The following DIS3L2 variants were observed in gnomAD, a reference collection of about 807,000 sequenced individuals.
DIS3L2 encodes DIS3 like 3'-5' exoribonuclease 2.
Under a neutral mutation model 97.5 loss-of-function variants are expected in DIS3L2, and 34 were observed. That is an observed-to-expected ratio of 0.35 (90% CI 0.27 to 0.46). The LOEUF is 0.46. DIS3L2 is among the 20% of genes least tolerant of loss of function. The pLI is 1.00. For missense variants in DIS3L2, 1,038 were observed against 1,146.0 expected (o/e 0.91, Z 1.36); for synonymous variants, 435 against 445.2 (o/e 0.98, Z 0.29).
intron 9 of DIS3L2, among the ~76,000 whole-genome samples, chr2:232,187,182 A>G (rs1238883542): frequency 6.6e-6 from 1 of 152,212 alleles, no homozygotes; most frequent in Admixed American, 6.5e-5. Flanking sequence ...CATTACAAAA[A>G]TGCAAATCAA....
chr2:232,289,030 T>C (rs1297266966), intron 13 of DIS3L2, among the ~76,000 whole-genome samples: 1 of 152,100 alleles, frequency 6.6e-6, no homozygotes, highest in Non-Finnish European at 1.5e-5. Context: ...TGTTTTCTGA[T>C]TTCAATATCA....
At chr2:232,206,692 C>A (rs149541480) in intron 9 of DIS3L2, among the ~76,000 whole-genome samples, 2 of 152,122 alleles carry the variant, frequency 1.3e-5, no homozygotes, top group Admixed American at 1.3e-4. Flanking sequence ...AGCAAGCAAG[C>A]CTTCCTGAGT....
rs546993307 is a variant in DIS3L2, at chr2:232,012,574, T to C, written c.-93-2261T>C. Among the ~76,000 whole-genome samples, 8 of 151,884 alleles carry C rather than the reference T, an allele frequency of 5.3e-5. No individual in the cohort carries two copies. In the East Asian group the frequency reaches 1.5e-3, roughly 29 times the overall value. ...CTGCCGCGTTTGTTTTCTTAGTCAC[T>C]AGTGGTAGCATACCCTGATCATGGA... On this transcript the variant is annotated intron_variant, in intron 1 of 20. Coordinates refer to ENST00000325385, the MANE Select transcript of DIS3L2 (RefSeq NM_152383.5).
At chr2:232,218,166 G>A (rs1275837809) in intron 10 of DIS3L2, among the ~76,000 whole-genome samples, 1 of 152,190 alleles carries the variant, frequency 6.6e-6, no homozygotes, top group African/African-American at 2.4e-5. Context: ...AGATTCAGTG[G>A]CCTAAAGCTC....
intron 13 of DIS3L2, among the ~76,000 whole-genome samples, chr2:232,263,806 T>A (rs151018496): frequency 9.5e-4 from 145 of 152,220 alleles, no homozygotes; most frequent in Middle Eastern, 3.4e-3. Flanking sequence ...TGTTCTTTAA[T>A]GGAGGCAAGA....
At chr2:232,184,359 A>G (rs536957691) in intron 9 of DIS3L2, among the ~76,000 whole-genome samples, 38 of 152,312 alleles carry the variant, frequency 2.5e-4, no homozygotes, top group African/African-American at 8.7e-4. Flanking sequence ...ATAGAATTTG[A>G]AAATAAGGTC....
chr2:232,038,620 T>C (rs952718830), intron 5 of DIS3L2, among the ~76,000 whole-genome samples: 3 of 152,228 alleles, frequency 2.0e-5, no homozygotes, highest in Non-Finnish European at 4.4e-5. Flanking sequence ...TTTCCTTGTT[T>C]CTCACCCCCT....
chr2:232,283,731 T>C (rs1694354789), intron 13 of DIS3L2, among the ~76,000 whole-genome samples: 1 of 152,226 alleles, frequency 6.6e-6, no homozygotes, highest in South Asian at 2.1e-4. Context: ...ATCCTCAAAA[T>C]GACAGATTTA....
chr2:232,219,723 C>T (rs1692440809), intron 10 of DIS3L2, among the ~76,000 whole-genome samples: 2 of 152,168 alleles, frequency 1.3e-5, no homozygotes, highest in Admixed American at 1.3e-4. Context: ...GTGGTCTGCA[C>T]TGCTCTTCCC....
intron 1 of DIS3L2, among the ~76,000 whole-genome samples, chr2:232,008,931 A>G (rs758937233): frequency 6.6e-5 from 10 of 152,216 alleles, no homozygotes; most frequent in Non-Finnish European, 1.3e-4. Context: ...TTCAGATTGT[A>G]TAACGTTAAT....
At chr2:232,219,266 C>G (rs1692429973) in intron 10 of DIS3L2, among the ~76,000 whole-genome samples, 1 of 152,194 alleles carries the variant, frequency 6.6e-6, no homozygotes, top group Non-Finnish European at 1.5e-5. Flanking sequence ...TTCCTAAGAG[C>G]AGGGTGTTCC....
At chr2:231,993,296 C>A (rs1044080801) in intron 1 of DIS3L2, among the ~76,000 whole-genome samples, 1 of 152,112 alleles carries the variant, frequency 6.6e-6, no homozygotes, top group Non-Finnish European at 1.5e-5. Context: ...TTACTGCAAC[C>A]CCTGCCTCCC....
intron 1 of DIS3L2, among the ~76,000 whole-genome samples, chr2:231,994,156 G>T (rs1693665050): frequency 1.4e-5 from 2 of 146,124 alleles, no homozygotes; most frequent in African/African-American, 2.5e-5. Context: ...TTCCTCCCTT[G>T]AATTGCTTTT....
At position 232,300,257 on chromosome 2, in the gene DIS3L2, C is replaced by T. The variant is rs1400022789; in HGVS notation, c.1739+138C>T. The T allele has an allele frequency of 6.6e-6, 5 of 759,898 alleles. No individual in the cohort carries two copies. The East Asian group carries it at 1.1e-4, about 17-fold the overall frequency. The allele number at this position is 759,898 out of a possible 1,614,324, so 47.1% of individuals were successfully genotyped here. A position where few individuals can be genotyped will look rare whatever the true frequency, so the allele number is the denominator to read the frequency against. On this transcript the variant is annotated intron_variant, in intron 14 of 20. Transcript: ENST00000325385. ...CTTTTACTACTATACTAGAAAATAG[C>T]TGGCACAGAAATAGTCCTCTTGTAA...
chr2:232,300,237 A>G (rs749065541), intron 14 of DIS3L2, 118 bp downstream of exon 14: 13 of 863,104 alleles, frequency 1.5e-5, no homozygotes, highest in Non-Finnish European at 2.4e-5. Context: ...TACACCTTTT[A>G]CTACTATACT....
chr2:232,169,981 G>A (rs766610128), intron 9 of DIS3L2, among the ~76,000 whole-genome samples: 3 of 152,164 alleles, frequency 2.0e-5, no homozygotes, highest in African/African-American at 7.2e-5. Flanking sequence ...TCCTAGGGGC[G>A]ATATAGCCCT....
At chr2:232,321,242 G>A (rs1368469356) in intron 14 of DIS3L2, among the ~76,000 whole-genome samples, 1 of 152,210 alleles carries the variant, frequency 6.6e-6, no homozygotes, top group Non-Finnish European at 1.5e-5. Context: ...TAGCAGCTAA[G>A]GACCTCATGC....
chr2:232,187,264 G>T (rs781011310), intron 9 of DIS3L2, among the ~76,000 whole-genome samples: 10 of 152,066 alleles, frequency 6.6e-5, no homozygotes, highest in Non-Finnish European at 1.3e-4. Flanking sequence ...AACAAGTGTT[G>T]GTGAGGATGT....
chr2:232,014,264 G>T (rs80303482), intron 1 of DIS3L2, among the ~76,000 whole-genome samples: 2 of 152,200 alleles, frequency 1.3e-5, no homozygotes, highest in Non-Finnish European at 2.9e-5. Flanking sequence ...GGGAAGAGAC[G>T]TCTAATTACA....
Sources: gnomAD v4.1 joint callset for allele counts (sites outside exome capture counted in the v4.1 genomes callset) on GRCh38, gnomAD v4.1.1 for gene constraint, MANE v1.5 for transcripts, NCBI Gene and HGNC (gene_info 2026-07-23, HGNC 2026-07-21) for gene names.